The following PDE3B variants were observed in gnomAD, a reference collection of about 807,000 sequenced individuals.
PDE3B encodes phosphodiesterase 3B.
In PDE3B, 66 loss-of-function variants were observed where a neutral mutation model predicts 116.8. That is an observed-to-expected ratio of 0.56 (90% CI 0.46 to 0.69). PDE3B has a LOEUF of 0.69. PDE3B is among the 30% of genes least tolerant of loss of function. The probability of loss-of-function intolerance (pLI) is 0.00; values close to 1 mark genes in which losing one functional copy is unlikely to be tolerated. For missense variants in PDE3B, 1,384 were observed against 1,368.1 expected (o/e 1.01, Z -0.18); for synonymous variants, 595 against 533.6 (o/e 1.12, Z -1.59).
the PDE3B span, chr11:14,892,159 C>A: frequency 6.2e-7 from 1 of 1,610,698 alleles, no homozygotes; most frequent in Non-Finnish European, 8.5e-7. Flanking sequence ...GAAGAGCGCG[C>A]CGCCGAGCGC....
At chr11:14,663,741 C>A (rs1360708514) in intron 1 of PDE3B, among the ~76,000 whole-genome samples, 1 of 152,114 alleles carries the variant, frequency 6.6e-6, no homozygotes, top group African/African-American at 2.4e-5. Context: ...ATATATGCAC[C>A]CAATACAGGA....
chr11:14,790,248 C>T (rs1239547562), intron 4 of PDE3B, among the ~76,000 whole-genome samples: 2 of 150,980 alleles, frequency 1.3e-5, no homozygotes, highest in East Asian at 1.9e-4. Context: ...ATGTCTAAAA[C>T]AGGAATGGAT....
intron 1 of PDE3B, among the ~76,000 whole-genome samples, chr11:14,712,734 C>A (rs1488178180): frequency 1.3e-5 from 2 of 152,126 alleles, no homozygotes; most frequent in Admixed American, 6.5e-5. Context: ...CTTGGCCTCC[C>A]AAAGTGTTGG....
chr11:14,882,702 G>C, the PDE3B span, among the ~76,000 whole-genome samples: 1 of 152,152 alleles, frequency 6.6e-6, no homozygotes, highest in Non-Finnish European at 1.5e-5. Flanking sequence ...GCAGGAGAAG[G>C]AAATAAAGGG....
intron 1 of PDE3B, among the ~76,000 whole-genome samples, chr11:14,763,772 A>G (rs1291340981): frequency 6.6e-6 from 1 of 152,120 alleles, no homozygotes; most frequent in African/African-American, 2.4e-5. Context: ...AACAAGGTCT[A>G]GGTAGATACT....
At chr11:14,828,548 C>T (rs1859773264) in intron 7 of PDE3B, among the ~76,000 whole-genome samples, 1 of 152,134 alleles carries the variant, frequency 6.6e-6, no homozygotes, top group South Asian at 2.1e-4. Context: ...GGGCAACAAT[C>T]ATATGAAAAA....
At chr11:14,713,774 T>G (rs954227853) in intron 1 of PDE3B, among the ~76,000 whole-genome samples, 5 of 151,772 alleles carry the variant, frequency 3.3e-5, no homozygotes, top group African/African-American at 1.2e-4. Flanking sequence ...CTGTAATTAA[T>G]AAAGGGTGAC....
the PDE3B span, chr11:14,878,997 T>C: frequency 2.4e-6 from 2 of 836,920 alleles, no homozygotes; most frequent in Non-Finnish European, 3.9e-6. Flanking sequence ...ATCAGTTCTG[T>C]GTTTTTAGAA....
intron 5 of PDE3B, among the ~76,000 whole-genome samples, chr11:14,808,956 A>G (rs1859037004): frequency 6.6e-6 from 1 of 152,210 alleles, no homozygotes; most frequent in Non-Finnish European, 1.5e-5. Flanking sequence ...TAGATTCGAT[A>G]CAGTCCTTAT....
At chr11:14,716,474 GACAA>G (rs1392403378) in intron 1 of PDE3B, among the ~76,000 whole-genome samples, 6 of 151,088 alleles carry the variant, frequency 4.0e-5, no homozygotes, top group South Asian at 2.1e-4. Flanking sequence ...GCAGGGCACA[GACAA>G]ACAAAAAGAC....
intron 1 of PDE3B, among the ~76,000 whole-genome samples, chr11:14,716,334 G>A (rs897493367): frequency 6.6e-6 from 1 of 152,124 alleles, no homozygotes; most frequent in Admixed American, 6.5e-5. Context: ...GCGGCAGCGA[G>A]GCTGGGGGAG....
chr11:14,810,835 T>A, intron 5 of PDE3B, among the ~76,000 whole-genome samples: 1 of 147,756 alleles, frequency 6.8e-6, no homozygotes, highest in East Asian at 2.0e-4. Flanking sequence ...ACCTGTTGTT[T>A]CCTGACTTTT....
rs1219952225 is a variant in PDE3B at position 14,684,868 on chromosome 11, G to T, written c.978+39815G>T. On this transcript the variant is annotated intron_variant, in intron 1 of 15. Transcript: ENST00000282096. ...TTCTGCCTGAACTTGCAGGCAGTCA[G>T]ACCTTATGGTTGTCTTCCCATGTTC... Among the ~76,000 whole-genome samples, 4 of 152,106 alleles carry T rather than the reference G, an allele frequency of 2.6e-5. No individual in the cohort carries two copies. In the South Asian group the frequency reaches 8.3e-4, roughly 32 times the overall value.
chr11:14,732,768 ACT>A (rs1856494781), intron 1 of PDE3B, among the ~76,000 whole-genome samples: 1 of 152,174 alleles, frequency 6.6e-6, no homozygotes, highest in Non-Finnish European at 1.5e-5. Context: ...TCCTGAACTT[ACT>A]GTATTTTCAG....
intron 1 of PDE3B, among the ~76,000 whole-genome samples, chr11:14,705,946 A>G (rs187466119): frequency 6.6e-6 from 1 of 151,942 alleles, no homozygotes; most frequent in Non-Finnish European, 1.5e-5. Context: ...AAATGTGGCA[A>G]TAGTCACTTC....
intron 1 of PDE3B, among the ~76,000 whole-genome samples, chr11:14,664,224 C>A (rs530877738): frequency 2.6e-4 from 40 of 151,986 alleles, no homozygotes; most frequent in Non-Finnish European, 5.3e-4. Flanking sequence ...CCAACGAGAA[C>A]AAAGACACAA....
intron 11 of PDE3B, among the ~76,000 whole-genome samples, chr11:14,842,428 T>C (rs1847494653): frequency 6.6e-6 from 1 of 152,196 alleles, no homozygotes; most frequent in Non-Finnish European, 1.5e-5. Flanking sequence ...TATTTTAAAA[T>C]TGTAGGGAAA....
At chr11:14,859,486 T>C (rs2133989753) in intron 13 of PDE3B, among the ~76,000 whole-genome samples, 1 of 152,306 alleles carries the variant, frequency 6.6e-6, no homozygotes, top group East Asian at 1.9e-4. Context: ...TATACTATTG[T>C]GACTTTATTT....
chr11:14,760,600 A>G (rs1392220625), intron 1 of PDE3B, among the ~76,000 whole-genome samples: 1 of 152,222 alleles, frequency 6.6e-6, no homozygotes, highest in African/African-American at 2.4e-5. Flanking sequence ...TTTTTCTTCA[A>G]AATCAAGTTT....
Sources: gnomAD v4.1 joint callset for allele counts (sites outside exome capture counted in the v4.1 genomes callset) on GRCh38, gnomAD v4.1.1 for gene constraint, MANE v1.5 for transcripts, NCBI Gene and HGNC (gene_info 2026-07-23, HGNC 2026-07-21) for gene names.